The following DIP2C variants were observed in gnomAD, a reference collection of about 807,000 sequenced individuals.
DIP2C encodes the protein disco-interacting protein 2 homolog C.
DIP2C carries 33 observed loss-of-function variants against 192.4 expected under a neutral mutation model. The observed-to-expected ratio is 0.17, with a 90% CI of 0.13 to 0.23. DIP2C has a LOEUF of 0.23. Ranked by LOEUF, DIP2C falls within the 10% of genes least tolerant of loss-of-function variation. The pLI is 1.00. For missense variants in DIP2C, 1,537 were observed against 2,110.1 expected (o/e 0.73, Z 5.32); for synonymous variants, 979 against 864.1 (o/e 1.13, Z -2.33).
At chr10:490,690 G>C (rs966553401) in intron 1 of DIP2C, among the ~76,000 whole-genome samples, 1 of 151,958 alleles carries the variant, frequency 6.6e-6, no homozygotes, top group African/African-American at 2.4e-5. Flanking sequence ...TGACAGAAAA[G>C]TAAATGCAGT....
chr10:523,330 A>C (rs1846836819), intron 1 of DIP2C, among the ~76,000 whole-genome samples: 1 of 148,212 alleles, frequency 6.7e-6, no homozygotes, highest in Admixed American at 6.7e-5. Flanking sequence ...ACTCGTTTCT[A>C]CCGGATGCAA....
At chr10:447,971 G>A (rs368231144) in intron 3 of DIP2C, among the ~76,000 whole-genome samples, 538 of 106,688 alleles carry the variant, frequency 5.0e-3, no homozygotes, top group East Asian at 0.024. Flanking sequence ...AATCACCCCC[G>A]TTGATATTCA....
intron 3 of DIP2C, among the ~76,000 whole-genome samples, chr10:441,413 A>G (rs1335204454): frequency 6.6e-6 from 1 of 152,170 alleles, no homozygotes; most frequent in African/African-American, 2.4e-5. Context: ...GCCACAGGCC[A>G]GGACTGTGTT....
At chr10:486,632 G>GC in intron 1 of DIP2C, 102 bp from the exon 2 acceptor site, 1 of 944,536 alleles carries the variant, frequency 1.1e-6, no homozygotes, top group Non-Finnish European at 1.5e-6. Context: ...TCTTCTGTGT[G>GC]CCTCATTGTT....
At chr10:637,311 C>G (rs1390797354) in intron 1 of DIP2C, among the ~76,000 whole-genome samples, 1 of 144,524 alleles carries the variant, frequency 6.9e-6, no homozygotes, top group East Asian at 2.1e-4. Flanking sequence ...TGGGCGGGGA[C>G]TGACAAACAA....
intron 1 of DIP2C, among the ~76,000 whole-genome samples, chr10:682,783 A>G (rs188270405): frequency 6.6e-6 from 1 of 152,212 alleles, no homozygotes; most frequent in African/African-American, 2.4e-5. Context: ...ATAAATATGT[A>G]AAGAATCCCT....
intron 1 of DIP2C, among the ~76,000 whole-genome samples, chr10:614,723 A>C (rs537322573): frequency 3.3e-5 from 5 of 152,366 alleles, no homozygotes; most frequent in Non-Finnish European, 5.9e-5. Flanking sequence ...TCAAATCTTT[A>C]TTCTAATGAA....
At chr10:429,560 G>A (rs868851338) in intron 4 of DIP2C, among the ~76,000 whole-genome samples, 18 of 137,314 alleles carry the variant, frequency 1.3e-4, no homozygotes, top group Middle Eastern at 3.6e-3. Flanking sequence ...GCCTCCCCCT[G>A]GACCCTGGCA....
In DIP2C at chr10:283,264, A is replaced by T; in HGVS notation, c.4294+8T>A. On this transcript the variant is annotated splice_region_variant and intron_variant, in intron 35 of 36. Coordinates refer to ENST00000280886, the MANE Select transcript of DIP2C (RefSeq NM_014974.3). ...TGTTGGGGGGGGGCCGCCAGCCTGG[A>T]CTCTCACCTCCATTTGCATCTGTGA... The T allele has an allele frequency of 6.2e-7, 1 of 1,612,438 alleles. No individual in the cohort carries two copies. Among genetic ancestry groups the T allele is most frequent in the Non-Finnish European group, 8.5e-7 (1 of 1,179,366 alleles).
chr10:399,258 G>A (rs1057470488), intron 9 of DIP2C, 39 bp from the exon 10 acceptor site: 6 of 1,560,072 alleles, frequency 3.8e-6, no homozygotes, highest in Non-Finnish European at 4.4e-6. Flanking sequence ...TTAACGTGGG[G>A]TCCTGGCTTC....
At chr10:488,182 G>A (rs1323125807) in intron 1 of DIP2C, among the ~76,000 whole-genome samples, 2 of 152,156 alleles carry the variant, frequency 1.3e-5, no homozygotes, top group South Asian at 4.1e-4. Flanking sequence ...GGGAAAGGGT[G>A]GCAGCACTGA....
chr10:683,796 G>A (rs544753309), intron 1 of DIP2C, among the ~76,000 whole-genome samples: 9 of 152,284 alleles, frequency 5.9e-5, no homozygotes, highest in Admixed American at 1.3e-4. Flanking sequence ...TCAGGAGAGC[G>A]CTACAACTCA....
At chr10:493,396 G>A (rs141868955) in intron 1 of DIP2C, among the ~76,000 whole-genome samples, 2 of 152,268 alleles carry the variant, frequency 1.3e-5, no homozygotes, top group East Asian at 3.9e-4. Flanking sequence ...CAGATCTCAG[G>A]CCTCAGCAGT....
At chr10:492,384 C>G (rs1037586203) in intron 1 of DIP2C, among the ~76,000 whole-genome samples, 26 of 152,312 alleles carry the variant, frequency 1.7e-4, no homozygotes, top group African/African-American at 5.5e-4. Flanking sequence ...CCTGCTGTGC[C>G]CATCACCCCC....
intron 7 of DIP2C, among the ~76,000 whole-genome samples, chr10:414,739 G>GTGTCTATATATATA: frequency 2.2e-5 from 2 of 90,536 alleles, no homozygotes; most frequent in South Asian, 8.0e-4. Context: ...GTGTGTGTGT[G>GTGTCTATATATATA]TACATATATA....
At chr10:560,490 C>T (rs1849148704) in intron 1 of DIP2C, among the ~76,000 whole-genome samples, 3 of 152,276 alleles carry the variant, frequency 2.0e-5, no homozygotes, top group South Asian at 2.1e-4. Flanking sequence ...GCCTGAAACT[C>T]GCGGCAGTGA....
intron 1 of DIP2C, among the ~76,000 whole-genome samples, chr10:669,908 T>C (rs1393429146): frequency 6.6e-6 from 1 of 152,244 alleles, no homozygotes; most frequent in African/African-American, 2.4e-5. Context: ...TGTTTTGGAA[T>C]TTATTCATTT....
At chr10:540,342 C>A (rs1412059572) in intron 1 of DIP2C, among the ~76,000 whole-genome samples, 1 of 152,264 alleles carries the variant, frequency 6.6e-6, no homozygotes, top group Non-Finnish European at 1.5e-5. Flanking sequence ...AGGGCAAGTG[C>A]CCCCGTCACA....
chr10:638,843 G>A lies in DIP2C; in HGVS notation c.85+50651C>T, dbSNP rs139730087. ...TGGAGTAATGGAAAGAGGTGCCCGC[G>A]AAGGCATCATCCTTTCCAGGACAGG... is the stretch of plus-strand genomic sequence containing the variant. On this transcript the variant is annotated intron_variant, in intron 1 of 36. Transcript: ENST00000280886. 2.5e-3 allele frequency among the ~76,000 whole-genome samples: 384 copies of A among 152,342 alleles called. 1 individual carries two copies. The highest frequency in any genetic ancestry group is 9.8e-3 in the East Asian group (51 of 5,186).
Sources: allele counts gnomAD v4.1 joint callset (sites outside exome capture counted in the v4.1 genomes callset), GRCh38; gene constraint gnomAD v4.1.1; transcripts MANE v1.5; gene names NCBI Gene and HGNC (gene_info 2026-07-23, HGNC 2026-07-21).